The following PRIM2 variants were observed in gnomAD, a reference collection of about 807,000 sequenced individuals.
The protein encoded by PRIM2 is DNA primase subunit 2, also known as DNA primase large subunit.
In PRIM2, 39 loss-of-function variants were observed where a neutral mutation model predicts 67.3. The observed-to-expected ratio is 0.58, with a 90% confidence interval of 0.45 to 0.76. PRIM2 has a LOEUF of 0.76. Ranked by LOEUF, PRIM2 falls within the 30% of genes least tolerant of loss-of-function variation. PRIM2 has a pLI of 0.00. For missense variants in PRIM2, 398 were observed against 598.7 expected (o/e 0.66, Z 3.50); for synonymous variants, 143 against 198.7 (o/e 0.72, Z 2.36).
chr6:57,334,883 C>A (rs1317988893), intron 5 of PRIM2, among the ~76,000 whole-genome samples: 1 of 152,182 alleles, frequency 6.6e-6, no homozygotes, highest in Non-Finnish European at 1.5e-5. Flanking sequence ...AGGAACAGCT[C>A]CGGTCTACAG....
intron 5 of PRIM2, among the ~76,000 whole-genome samples, chr6:57,331,735 G>A (rs1768063736): frequency 6.6e-6 from 1 of 151,840 alleles, no homozygotes; most frequent in Non-Finnish European, 1.5e-5. Flanking sequence ...AAAATAAAAG[G>A]ATTGGTGATG....
At chr6:57,527,127 T>C (rs1335195902) in intron 8 of PRIM2, among the ~76,000 whole-genome samples, 8 of 152,342 alleles carry the variant, frequency 5.3e-5, no homozygotes, top group African/African-American at 1.9e-4. Flanking sequence ...GGCAGCATTA[T>C]TTGTTTTTCT....
At chr6:57,358,891 T>G (rs561374402) in intron 5 of PRIM2, among the ~76,000 whole-genome samples, 1 of 152,336 alleles carries the variant, frequency 6.6e-6, no homozygotes, top group African/African-American at 2.4e-5. Flanking sequence ...CATTGAGAAG[T>G]GGGATCTATG....
chr6:57,418,900 G>A (rs1284313778), intron 7 of PRIM2, among the ~76,000 whole-genome samples: 1 of 151,982 alleles, frequency 6.6e-6, no homozygotes, highest in East Asian at 1.9e-4. Context: ...TGTAAAAGGG[G>A]TGAGGCTGAT....
chr6:57,367,993 T>C (rs11967709), intron 5 of PRIM2, among the ~76,000 whole-genome samples: 5,398 of 152,322 alleles, frequency 0.035, 322 homozygotes, highest in African/African-American at 0.12. Flanking sequence ...TACTCCAGAT[T>C]GATGATTACA....
At chr6:57,276,328 T>A in the PRIM2 span, among the ~76,000 whole-genome samples, 1 of 152,062 alleles carries the variant, frequency 6.6e-6, no homozygotes, top group Admixed American at 6.5e-5. Context: ...ATGCAGAGGG[T>A]TGCAGTGAGC....
At chr6:57,340,498 C>T (rs1346270708) in intron 5 of PRIM2, among the ~76,000 whole-genome samples, 1 of 152,094 alleles carries the variant, frequency 6.6e-6, no homozygotes. Flanking sequence ...AAATGTGGCA[C>T]ATATACACCA....
At chr6:57,284,522 T>C in the PRIM2 span, among the ~76,000 whole-genome samples, 1 of 152,142 alleles carries the variant, frequency 6.6e-6, no homozygotes, top group African/African-American at 2.4e-5. Flanking sequence ...TATATCAAAA[T>C]ATATAGACTG....
At chr6:57,427,403 C>A (rs558855010) in intron 7 of PRIM2, among the ~76,000 whole-genome samples, 14 of 152,320 alleles carry the variant, frequency 9.2e-5, no homozygotes, top group Admixed American at 5.9e-4. Context: ...ACTTCAACCT[C>A]CGTCTCCTGG....
chr6:57,563,181 T>G (rs1775671957), intron 10 of PRIM2, among the ~76,000 whole-genome samples: 2 of 152,168 alleles, frequency 1.3e-5, no homozygotes, highest in African/African-American at 4.8e-5. Context: ...TATCTGATTT[T>G]GGGAATAGCC....
At chr6:57,338,433 G>A (rs996385767) in intron 5 of PRIM2, among the ~76,000 whole-genome samples, 1 of 151,570 alleles carries the variant, frequency 6.6e-6, no homozygotes, top group Admixed American at 6.6e-5. Context: ...CAATATCCTT[G>A]ATGAACATTG....
At chr6:57,588,005 G>T (rs1469857598) in intron 10 of PRIM2, among the ~76,000 whole-genome samples, 3 of 152,058 alleles carry the variant, frequency 2.0e-5, no homozygotes, top group African/African-American at 7.2e-5. Flanking sequence ...ACCTTATATG[G>T]GTTCTGTATC....
intron 10 of PRIM2, among the ~76,000 whole-genome samples, chr6:57,572,075 T>C (rs1334952729): frequency 6.6e-6 from 1 of 152,230 alleles, no homozygotes; most frequent in Non-Finnish European, 1.5e-5. Flanking sequence ...AATTTTTAAA[T>C]CCTAGATTTT....
intron 13 of PRIM2, among the ~76,000 whole-genome samples, chr6:57,645,603 G>A (rs1283494083): frequency 6.0e-5 from 9 of 150,980 alleles, no homozygotes; most frequent in East Asian, 1.9e-4. Context: ...GAAAGGATAC[G>A]TTTCCTGTTG....
intron 12 of PRIM2, among the ~76,000 whole-genome samples, chr6:57,613,441 A>T (rs1471804168): frequency 1.3e-5 from 2 of 152,338 alleles, no homozygotes; most frequent in Admixed American, 1.3e-4. Context: ...TTAAATGGTC[A>T]TGTGCCTAAT....
chr6:57,457,580 C>G (rs1287071347), intron 7 of PRIM2, among the ~76,000 whole-genome samples: 4 of 152,180 alleles, frequency 2.6e-5, no homozygotes, highest in Non-Finnish European at 5.9e-5. Flanking sequence ...TGTAGGACCC[C>G]CGAGCCAGGC....
chr6:57,501,238 A>G (rs1481761303), intron 7 of PRIM2, among the ~76,000 whole-genome samples: 1 of 152,216 alleles, frequency 6.6e-6, no homozygotes, highest in Non-Finnish European at 1.5e-5. Context: ...TTGAAAAGAT[A>G]TGACATCCAG....
At chr6:57,483,095 A>G (rs1367618670) in intron 7 of PRIM2, among the ~76,000 whole-genome samples, 6 of 152,014 alleles carry the variant, frequency 3.9e-5, no homozygotes, top group Admixed American at 1.3e-4. Context: ...TTTATTAGAG[A>G]TGGGGATTCA....
intron 7 of PRIM2, among the ~76,000 whole-genome samples, chr6:57,393,397 T>C (rs1770422652): frequency 6.6e-6 from 1 of 152,226 alleles, no homozygotes; most frequent in Non-Finnish European, 1.5e-5. Flanking sequence ...TGCATTTCCC[T>C]GATCATTAGT....
Sources: gnomAD v4.1 joint callset for allele counts (sites outside exome capture counted in the v4.1 genomes callset) on GRCh38, gnomAD v4.1.1 for gene constraint, MANE v1.5 for transcripts, NCBI Gene and HGNC (gene_info 2026-07-23, HGNC 2026-07-21) for gene names.